FREM1: variants seen among roughly 807,000 people sequenced by gnomAD.
FREM1 encodes FRAS1-related extracellular matrix protein 1.
FREM1 carries 220 observed loss-of-function variants against 210.1 expected under a neutral mutation model. The ratio of observed to expected loss-of-function variants is 1.05; its 90% CI spans 0.94 to 1.17. FREM1 has a LOEUF of 1.17. Ranked by LOEUF, FREM1 falls within the 50% of genes most tolerant of loss-of-function variation. The pLI, the probability that FREM1 is intolerant of heterozygous loss-of-function variation, is 0.00. For synonymous variants in FREM1, 1,189 were observed against 980.2 expected, an observed-to-expected ratio of 1.21 and a Z score of -3.98; for missense variants, 3,454 against 2,675.5, an observed-to-expected ratio of 1.29 and a Z score of -6.42.
chr9:14,848,909 T>C, intron 6 of FREM1, 136 bp from the exon 7 acceptor site: 1 of 493,528 alleles, frequency 2.0e-6, no homozygotes, highest in Admixed American at 3.1e-5. Context: ...CCACATCTCA[T>C]TTAGACATCC....
intron 22 of FREM1, 45 bp from the exon 23 acceptor site, chr9:14,789,159 T>C (rs1260546449): frequency 1.5e-6 from 2 of 1,355,144 alleles, no homozygotes; most frequent in Non-Finnish European, 2.0e-6. Flanking sequence ...TTTTTTCTTT[T>C]CCCCCAACGT....
At chr9:14,797,439 A>G in intron 21 of FREM1, 59 bp downstream of exon 21, 2 of 1,424,596 alleles carry the variant, frequency 1.4e-6, no homozygotes, top group Non-Finnish European at 1.9e-6. Flanking sequence ...TGTACCTAGT[A>G]TTGTAGATTT....
At chr9:14,774,774 C>T (rs2132598263) in intron 25 of FREM1, among the ~76,000 whole-genome samples, 1 of 152,232 alleles carries the variant, frequency 6.6e-6, no homozygotes, top group South Asian at 2.1e-4. Flanking sequence ...ATCCTTGTAA[C>T]AGTCAACAAA....
At chr9:14,765,817 C>A (rs560060852) in intron 27 of FREM1, among the ~76,000 whole-genome samples, 1 of 152,312 alleles carries the variant, frequency 6.6e-6, no homozygotes, top group Middle Eastern at 3.4e-3. Context: ...TTATCAAAGA[C>A]TTCTGCATTC....
chr9:14,893,482 G>T (rs987667573), intron 1 of FREM1, among the ~76,000 whole-genome samples: 1 of 152,114 alleles, frequency 6.6e-6, no homozygotes, highest in Non-Finnish European at 1.5e-5. Flanking sequence ...TGGTGGCCTG[G>T]GTTCAGGGTT....
chr9:14,860,533 G>GTATATATACACACATATATATATACACA (rs1554706945), intron 3 of FREM1, among the ~76,000 whole-genome samples: 3 of 77,914 alleles, frequency 3.9e-5, no homozygotes, highest in African/African-American at 8.3e-5. Flanking sequence ...TAGTAGGTAT[G>GTATATATACACACATATATATATACACA]TATATATATA....
In FREM1 at chr9:14,851,503, GATGAACTGA is replaced by G. The variant is rs1827748613; in HGVS notation, c.924_932del (p.Gln309_Ile311del). ...GAACTGATGTAGTCAAGGAGGTCAG[GATGAACTGA>G]TCCACTTCCAGAATAAACACGGCCA... On this transcript the variant is annotated inframe_deletion, in exon 6 of 37. Coordinates refer to ENST00000380880, the MANE Select transcript of FREM1 (RefSeq NM_001379081.2). The G allele has an allele frequency of 1.2e-6, 2 of 1,613,928 alleles. No homozygotes were observed. The highest frequency in any genetic ancestry group is 1.7e-6 in the Non-Finnish European group (2 of 1,179,814).
At position 14,864,889 on chromosome 9, in the gene FREM1, T is replaced by C. The variant is rs549645990; in HGVS notation, c.235-986A>G. On this transcript the variant is annotated intron_variant, in intron 2 of 36. Coordinates refer to ENST00000380880, the MANE Select transcript of FREM1 (RefSeq NM_001379081.2). The stretch of plus-strand genomic sequence containing the variant: ...TTGATTCCTCTTTTAAATTGACAAC[T>C]AGGAAGGAGATAAAGCAAAGACCTT... 9.7e-4 allele frequency among the ~76,000 whole-genome samples: 147 copies of C among 152,294 alleles called. 1 individual carries two copies. The highest frequency in any genetic ancestry group is 3.4e-3 in the African/African-American group (140 of 41,560).
chr9:14,745,541 G>A (rs1842267306), intron 35 of FREM1, among the ~76,000 whole-genome samples: 1 of 152,140 alleles, frequency 6.6e-6, no homozygotes, highest in Non-Finnish European at 1.5e-5. Flanking sequence ...TTTATGATTT[G>A]AGAACAGCTT....
At chr9:14,776,360 T>A in intron 24 of FREM1, 157 bp from the exon 25 acceptor site, 3 of 744,672 alleles carry the variant, frequency 4.0e-6, no homozygotes, top group Non-Finnish European at 6.1e-6. Context: ...TCCCTATCAT[T>A]AAACCAGTCA....
intron 1 of FREM1, among the ~76,000 whole-genome samples, chr9:14,908,207 C>T (rs1411617711): frequency 6.6e-6 from 1 of 152,132 alleles, no homozygotes; most frequent in East Asian, 1.9e-4. Context: ...AATTTTAACA[C>T]CATGGAAGAA....
chr9:14,771,866 C>T (rs7849041), intron 25 of FREM1, among the ~76,000 whole-genome samples: 59,754 of 151,830 alleles, frequency 0.39, 11,986 homozygotes, highest in Admixed American at 0.42. Flanking sequence ...TTTGTGTTAA[C>T]TGAAAAACCC....
chr9:14,789,114 T>A lies in FREM1; in HGVS notation c.3982A>T (p.Ile1328Leu). 6.3e-7 allele frequency: 1 copy of A among 1,577,432 alleles called. No homozygotes were observed. Among genetic ancestry groups the A allele is most frequent in the Non-Finnish European group, 8.6e-7 (1 of 1,159,884 alleles). Residue 1328 changes from isoleucine (I) to leucine (L), a missense_variant and splice_region_variant, in exon 23 of 37, where the codon ATA (isoleucine) becomes TTA (leucine). Transcript: ENST00000380880. ...LPQNGQLQLK[I>L]GRDWVPLSPG... ...GAGAGAGGAACCCAGTCCCTCCCTA[T>A]CTGGAAGGAGCCAGAGTTAGTCAGC...
chr9:14,747,517 A>G, intron 32 of FREM1, 89 bp from the exon 33 acceptor site: 2 of 1,336,054 alleles, frequency 1.5e-6, no homozygotes, highest in South Asian at 2.9e-5. Flanking sequence ...AATTCAGTCA[A>G]AGCAAAAAGA....
intron 5 of FREM1, 95 bp downstream of exon 5, chr9:14,857,458 C>T (rs1828978238): frequency 2.8e-6 from 3 of 1,070,540 alleles, no homozygotes; most frequent in Admixed American, 1.7e-5. Context: ...AGCACAGGAA[C>T]TCTCCCTGGC....
In FREM1 at chr9:14,823,172, A is replaced by G; in HGVS notation, c.2325T>C (p.Asn775=). Residue 775 remains asparagine (N), a synonymous_variant, in exon 13 of 37, where the codon AAT becomes AAC. Coordinates refer to ENST00000380880, the MANE Select transcript of FREM1 (RefSeq NM_001379081.2). The part of the protein sequence containing the change: ...CFNITILPVD[N]QVPEAFTNPL... ...ACATTGTACATACCTCAGGAACTTG[A>G]TTGTCCACTGGGAGGATTGTAATGT... 1 of 1,613,548 alleles carries G rather than the reference A, an allele frequency of 6.2e-7. No individual in the cohort carries two copies. Among genetic ancestry groups the G allele is most frequent in the African/African-American group, 1.3e-5 (1 of 74,976 alleles).
chr9:14,760,342 G>C (rs575281157), intron 27 of FREM1, among the ~76,000 whole-genome samples: 248 of 152,292 alleles, frequency 1.6e-3, no homozygotes, highest in African/African-American at 5.6e-3. Flanking sequence ...AACAATTCCA[G>C]ACAGAGATAT....
intron 30 of FREM1, among the ~76,000 whole-genome samples, chr9:14,749,547 C>T (rs1336957634): frequency 6.6e-6 from 1 of 152,170 alleles, no homozygotes; most frequent in East Asian, 1.9e-4. Flanking sequence ...AAAATCAGAG[C>T]ACCAAAGAGT....
At chr9:14,857,400 C>T in intron 5 of FREM1, 153 bp downstream of exon 5, 1 of 749,106 alleles carries the variant, frequency 1.3e-6, no homozygotes, top group Non-Finnish European at 2.4e-6. Context: ...ACTAGCAGAA[C>T]CAACAAGCCT....
Sources: gnomAD v4.1 joint callset for allele counts (sites outside exome capture counted in the v4.1 genomes callset) on GRCh38, gnomAD v4.1.1 for gene constraint, MANE v1.5 for transcripts, NCBI Gene and HGNC (gene_info 2026-07-23, HGNC 2026-07-21) for gene names.